MAP3K21: variants seen among roughly 807,000 people sequenced by gnomAD.
MAP3K21 encodes mitogen-activated protein kinase kinase kinase 21, also known as mitogen-activated protein kinase kinase kinase MLK4.
Under a neutral mutation model 86.1 loss-of-function variants are expected in MAP3K21, and 63 were observed. The ratio of observed to expected loss-of-function variants is 0.73; its 90% CI spans 0.60 to 0.90. MAP3K21 has a LOEUF of 0.90. Among genes scored for constraint, MAP3K21 ranks in the 40% least tolerant of loss-of-function variants. The pLI is 0.00. For missense variants in MAP3K21, 1,220 were observed against 1,367.7 expected, an observed-to-expected ratio of 0.89 and a Z score of 1.70; for synonymous variants, 558 against 564.8, an observed-to-expected ratio of 0.99 and a Z score of 0.17.
chr1:233,334,405 AGACT>A (rs1298864561), intron 1 of MAP3K21, among the ~76,000 whole-genome samples: 1 of 152,030 alleles, frequency 6.6e-6, no homozygotes, highest in Non-Finnish European at 1.5e-5. Flanking sequence ...AACTTCATTG[AGACT>A]GATTGTCTTG....
At position 233,375,934 on chromosome 1, in the gene MAP3K21, A is replaced by G. The variant is rs151099146; in HGVS notation, c.1694A>G (p.Asn565Ser). Residue 565 changes from asparagine to serine, a missense_variant, in exon 7 of 10, where the codon AAT becomes AGT. Transcript: ENST00000366624. ...RAIQLTSDES[N>S]KTWGRNTVFR... ...TTTTTAGTGACTTCAGATGAAAGCA[A>G]TAAAACTTGGGGAAGGAACACAGTC... 2.0e-5 allele frequency: 33 copies of G among 1,612,058 alleles called. No individual in the cohort carries two copies. The highest frequency in any genetic ancestry group is 1.7e-4 in the African/African-American group (13 of 74,898).
Position 233,375,934 on chromosome 1 carries a change from A to T in MAP3K21, c.1694A>T (p.Asn565Ile). 6.2e-7 allele frequency: 1 copy of T among 1,612,176 alleles called. No homozygotes were observed. The highest frequency in any genetic ancestry group is 1.1e-5 in the South Asian group (1 of 90,754). The change falls in exon 7 of 10, where the codon AAT becomes ATT. Residue 565 changes from asparagine to isoleucine, a missense_variant. Physicochemically the swap from Asn to Ile is moderately radical, Grantham distance 149. Transcript: ENST00000366624. ...TTTTTAGTGACTTCAGATGAAAGCA[A>T]TAAAACTTGGGGAAGGAACACAGTC... Reference protein sequence around the residue: ...RAIQLTSDESNKTWGRNTVFR... With the variant: ...RAIQLTSDESIKTWGRNTVFR...
At chr1:233,348,962 C>T (rs901034175) in intron 2 of MAP3K21, among the ~76,000 whole-genome samples, 2 of 152,094 alleles carry the variant, frequency 1.3e-5, no homozygotes, top group African/African-American at 2.4e-5. Context: ...GGCAGAGACC[C>T]CTGTCAGTAA....
intron 8 of MAP3K21, 34 bp downstream of exon 8, chr1:233,376,561 G>A (rs1045738446): frequency 7.0e-7 from 1 of 1,438,652 alleles, no homozygotes; most frequent in African/African-American, 1.4e-5. Context: ...ATTTGCTTGA[G>A]CAGTCCTTGG....
chr1:233,339,845 G>A (rs543523741), intron 1 of MAP3K21, among the ~76,000 whole-genome samples: 1 of 123,164 alleles, frequency 8.1e-6, no homozygotes, highest in African/African-American at 3.3e-5. Context: ...GAGGTGAATC[G>A]ATTTTCTGTA....
intron 5 of MAP3K21, among the ~76,000 whole-genome samples, chr1:233,365,621 T>G (rs529995883): frequency 6.6e-6 from 1 of 152,188 alleles, no homozygotes; most frequent in African/African-American, 2.4e-5. Context: ...AGACGAAAAA[T>G]AGTAAATGTT....
At position 233,328,688 on chromosome 1, in the gene MAP3K21, C is replaced by G; in HGVS notation, c.660C>G (p.Asp220Glu). The change falls in exon 1 of 10, where the codon GAC (aspartate) becomes GAG (glutamate). Residue 220 changes from aspartate to glutamate, a missense_variant. Physicochemically the swap from Asp to Glu is conservative, Grantham distance 45 (BLOSUM62 2). Transcript: ENST00000366624. The surrounding 1 kb of genome is among the most constrained non-coding windows in gnomAD (Gnocchi z 8.7). ...TGGCCGCTGCCAACGCCGCCCCGGA[C>G]CCGCGCGCGCCCGGCCCCCGCCGCG... ...RALAAANAAP[D>E]PRAPGPRRAR... is the part of the protein sequence containing the mutation. 7.4e-7 allele frequency: 1 copy of G among 1,355,250 alleles called. No individual in the cohort carries two copies. The highest frequency in any genetic ancestry group is 3.4e-5 in the Admixed American group (1 of 29,100). The allele number at this position is 1,355,250 out of a possible 1,614,324, so 84.0% of individuals were successfully genotyped here.
intron 5 of MAP3K21, among the ~76,000 whole-genome samples, chr1:233,364,131 T>A (rs1663521809): frequency 6.6e-6 from 1 of 152,182 alleles, no homozygotes; most frequent in South Asian, 2.1e-4. Context: ...TGGATCCTTA[T>A]CACTTTTACC....
chr1:233,363,114 T>G (rs1663496704), intron 5 of MAP3K21, among the ~76,000 whole-genome samples: 1 of 152,164 alleles, frequency 6.6e-6, no homozygotes, highest in Non-Finnish European at 1.5e-5. Flanking sequence ...GACAGAGCAA[T>G]GCAGACTTCA....
chr1:233,330,737 G>A (rs1662795134), intron 1 of MAP3K21, among the ~76,000 whole-genome samples: 2 of 152,168 alleles, frequency 1.3e-5, no homozygotes, highest in Non-Finnish European at 2.9e-5. Flanking sequence ...AAAAGTTAAA[G>A]GGCCTATAGC....
chr1:233,343,732 C>T (rs1663080903), intron 1 of MAP3K21, among the ~76,000 whole-genome samples: 1 of 152,166 alleles, frequency 6.6e-6, no homozygotes, highest in Non-Finnish European at 1.5e-5. Context: ...CATCTCTGTT[C>T]CTCAGTGTCT....
chr1:233,377,705 C>A (rs967406177), intron 8 of MAP3K21, among the ~76,000 whole-genome samples: 2 of 152,138 alleles, frequency 1.3e-5, no homozygotes, highest in African/African-American at 2.4e-5. Flanking sequence ...ATGATCCAAG[C>A]GCATTACATT....
rs562348624 is a variant in MAP3K21 at position 233,328,367 on chromosome 1, C to A, written c.339C>A (p.Pro113=). The part of the protein sequence containing the change: ...AASPAPPPSR[P]SSPVHVAFER... The stretch of plus-strand genomic sequence containing the variant: ...GCCCCGCGCCGCCGCCCTCGCGGCC[C>A]AGCTCCCCGGTACACGTCGCCTTCG... Residue 113 remains proline (P), a synonymous_variant, in exon 1 of 10, where the codon CCC becomes CCA. Coordinates refer to ENST00000366624, the MANE Select transcript of MAP3K21 (RefSeq NM_032435.3). This position sits in a 1 kb window ranked among gnomAD's most constrained non-coding sequence, Gnocchi z 8.7. The A allele has an allele frequency of 5.4e-6, 8 of 1,477,324 alleles. No individual in the cohort carries two copies. In the East Asian group the frequency reaches 2.1e-4, roughly 38 times the overall value. The allele number at this position is 1,477,324 out of a possible 1,614,324, so 91.5% of individuals were successfully genotyped here.
intron 1 of MAP3K21, among the ~76,000 whole-genome samples, chr1:233,339,681 A>C (rs1368319361): frequency 6.6e-6 from 1 of 151,642 alleles, no homozygotes; most frequent in Non-Finnish European, 1.5e-5. Context: ...GTTGGTTCTC[A>C]CTGTATTGCC....
rs1663953685 is a variant in MAP3K21 at position 233,383,197 on chromosome 1, TA to T, written c.*487del. 1 of 154,106 alleles carries T rather than the reference TA, an allele frequency of 6.5e-6. No individual in the cohort carries two copies. The highest frequency in any genetic ancestry group is 1.4e-5 in the Non-Finnish European group (1 of 69,432). 9.5% of individuals were successfully genotyped at this position (154,106 alleles called of 1,614,324 possible). On this transcript the variant is annotated 3_prime_UTR_variant, in exon 10 of 10. Transcript: ENST00000366624. Reference sequence around the variant, plus strand: ...GCAACAAAAAGCCAAGAAAGAGCTTTAGTTTCTTGGCAAGAATAATGTGATA... The same window carrying T: ...GCAACAAAAAGCCAAGAAAGAGCTTTGTTTCTTGGCAAGAATAATGTGATA...
intron 1 of MAP3K21, among the ~76,000 whole-genome samples, chr1:233,340,969 T>C (rs1296219368): frequency 6.6e-6 from 1 of 152,184 alleles, no homozygotes; most frequent in African/African-American, 2.4e-5. Flanking sequence ...CATTATATAC[T>C]ATAATTCTGA....
intron 4 of MAP3K21, among the ~76,000 whole-genome samples, chr1:233,358,785 AC>A (rs1208496319): frequency 2.1e-4 from 32 of 149,862 alleles, no homozygotes; most frequent in Non-Finnish European, 4.7e-4. Context: ...ACAGAGCAAG[AC>A]CCTGTCTCAA....
chr1:233,376,703 T>C (rs1302625243), intron 8 of MAP3K21, among the ~76,000 whole-genome samples, 176 bp downstream of exon 8: 1 of 152,228 alleles, frequency 6.6e-6, no homozygotes, highest in Non-Finnish European at 1.5e-5. Context: ...CAAGTATTTA[T>C]GGCAGGAAGT....
At chr1:233,352,350 A>C (rs1464795504) in intron 2 of MAP3K21, among the ~76,000 whole-genome samples, 1 of 152,114 alleles carries the variant, frequency 6.6e-6, no homozygotes, top group Non-Finnish European at 1.5e-5. Flanking sequence ...TAGCTATCTG[A>C]AACTATATGA....
Sources: allele counts gnomAD v4.1 joint callset (sites outside exome capture counted in the v4.1 genomes callset), GRCh38; gene constraint gnomAD v4.1.1; non-coding constraint Gnocchi (gnomAD v3.1); transcripts MANE v1.5; gene names NCBI Gene and HGNC (gene_info 2026-07-23, HGNC 2026-07-21).